Variants in RHCE observed in about 807,000 individuals in gnomAD.
The protein encoded by RHCE is blood group Rh(CE) polypeptide.
RHCE carries 22 observed loss-of-function variants against 43.8 expected under a neutral mutation model. The observed-to-expected ratio is 0.50, with a 90% CI of 0.36 to 0.72. The LOEUF is 0.72. Ranked by LOEUF, RHCE falls within the 30% of genes least tolerant of loss-of-function variation. The pLI, the probability that RHCE is intolerant of heterozygous loss-of-function variation, is 0.00. For synonymous variants in RHCE, 156 were observed against 210.7 expected, an observed-to-expected ratio of 0.74 and a Z score of 2.25; for missense variants, 385 against 525.4, an observed-to-expected ratio of 0.73 and a Z score of 2.61.
At chr1:25,427,029 C>G (rs2042809711) in intron 2 of RHCE, among the ~76,000 whole-genome samples, 1 of 151,672 alleles carries the variant, frequency 6.6e-6, no homozygotes, top group Non-Finnish European at 1.5e-5. Context: ...TGCACTCCAG[C>G]CTGGGTGACA....
At chr1:25,411,360 T>A (rs1647071230) in intron 1 of RHCE, 2 of 1,550,498 alleles carry the variant, frequency 1.3e-6, no homozygotes. Flanking sequence ...TCTCCAGCCC[T>A]GGCTTTGATA....
At chr1:25,371,477 C>G (rs1031743595) in intron 8 of RHCE, among the ~76,000 whole-genome samples, 2 of 151,316 alleles carry the variant, frequency 1.3e-5, no homozygotes, top group East Asian at 1.9e-4. Context: ...CACAAGCAAC[C>G]CCCCCACCTC....
intron 5 of RHCE, 65 bp from the exon 6 acceptor site, chr1:25,389,178 T>C: frequency 6.6e-7 from 1 of 1,513,640 alleles, no homozygotes; most frequent in South Asian, 1.1e-5. Context: ...TTGCTGCAAG[T>C]GACCAGCACG....
At chr1:25,384,123 A>T (rs1018177166) in intron 7 of RHCE, among the ~76,000 whole-genome samples, 1 of 150,964 alleles carries the variant, frequency 6.6e-6, no homozygotes, top group African/African-American at 2.4e-5. Context: ...TTGCATTTCT[A>T]ACAAGTTTCC....
At chr1:25,394,511 G>C (rs1049026462) in intron 3 of RHCE, among the ~76,000 whole-genome samples, 4 of 151,998 alleles carry the variant, frequency 2.6e-5, no homozygotes, top group African/African-American at 7.2e-5. Flanking sequence ...AACTTTTCGT[G>C]TTTCTTTTCT....
At chr1:25,375,554 TC>T in intron 7 of RHCE, 126 bp from the exon 8 acceptor site, 1 of 1,310,926 alleles carries the variant, frequency 7.6e-7, no homozygotes, top group Non-Finnish European at 1.1e-6. Context: ...AAGGGTCCTC[TC>T]CCTGGCTGGT....
At position 25,379,488 on chromosome 1, in the gene RHCE, TA is replaced by T. The variant is rs1557605568; in HGVS notation, c.1074-4061del. ...ATATATATATATATATATATATATA[TA>T]TATATATTTTTTTTTTTTTTTTTTT... On this transcript the variant is annotated intron_variant, in intron 7 of 9. Coordinates refer to ENST00000294413, the MANE Select transcript of RHCE (RefSeq NM_020485.8). 1.2e-3 allele frequency among the ~76,000 whole-genome samples: 21 copies of T among 17,868 alleles called. 1 individual carries two copies. Among genetic ancestry groups the T allele is most frequent in the African/African-American group, 8.2e-3 (17 of 2,064 alleles). 11.7% of individuals were successfully genotyped at this position (17,868 alleles called of 152,430 possible). A position where few individuals can be genotyped will look rare whatever the true frequency, so the allele number is the denominator to read the frequency against.
intron 7 of RHCE, chr1:25,385,361 C>T (rs371027288): frequency 2.1e-4 from 80 of 389,246 alleles, no homozygotes; most frequent in African/African-American, 1.6e-3. Context: ...AGCTAGTACG[C>T]AGTGGGAGCA....
chr1:25,420,273 C>T (rs1371148334), intron 1 of RHCE, among the ~76,000 whole-genome samples: 1 of 152,156 alleles, frequency 6.6e-6, no homozygotes, highest in East Asian at 1.9e-4. Context: ...GCTAGCTGCA[C>T]TTGTATCCCC....
chr1:25,384,223 A>C (rs1489484664), intron 7 of RHCE, among the ~76,000 whole-genome samples: 2 of 151,314 alleles, frequency 1.3e-5, no homozygotes, highest in African/African-American at 4.9e-5. Context: ...AGCAGAATTT[A>C]GCCACACAGT....
At chr1:25,400,919 T>C (rs1044550791) in intron 3 of RHCE, among the ~76,000 whole-genome samples, 1 of 152,170 alleles carries the variant, frequency 6.6e-6, no homozygotes, top group African/African-American at 2.4e-5. Context: ...TATTAAAATA[T>C]AGTCAGGATC....
chr1:25,426,970 T>C (rs2042809198), intron 2 of RHCE, among the ~76,000 whole-genome samples: 2 of 151,482 alleles, frequency 1.3e-5, no homozygotes, highest in South Asian at 4.2e-4. Flanking sequence ...GGCAGGAGAA[T>C]CACTTGAACC....
rs35366666 is a variant in RHCE at position 25,406,250 on chromosome 1, C to CGTGTGT, written c.335+2427_335+2432dup. 9.4e-5 allele frequency among the ~76,000 whole-genome samples: 11 copies of CGTGTGT among 117,126 alleles called. 1 individual carries two copies. The highest frequency in any genetic ancestry group is 2.7e-4 in the African/African-American group (10 of 37,288). 76.8% of individuals were successfully genotyped at this position (117,126 alleles called of 152,430 possible). ...GTATGCGGGCGTGCGTGCGTGCGTG[C>CGTGTGT]GTGTGTGTGTGTGTGTGTGTGTGTG... On this transcript the variant is annotated intron_variant, in intron 2 of 9. Transcript: ENST00000294413.
At chr1:25,400,483 T>C (rs1646705105) in intron 3 of RHCE, among the ~76,000 whole-genome samples, 1 of 150,580 alleles carries the variant, frequency 6.6e-6, no homozygotes, top group African/African-American at 2.5e-5. Context: ...CTTACACATG[T>C]CCCCCCTCTA....
upstream of RHCE, among the ~76,000 whole-genome samples, chr1:25,425,356 T>C (rs2042797692): frequency 6.6e-6 from 1 of 152,196 alleles, no homozygotes; most frequent in Non-Finnish European, 1.5e-5. Flanking sequence ...GTAGGCATCA[T>C]TACGCTTACA....
chr1:25,429,477 A>C (rs1235636190), intron 1 of RHCE, among the ~76,000 whole-genome samples: 3 of 152,180 alleles, frequency 2.0e-5, no homozygotes, highest in African/African-American at 7.2e-5. Flanking sequence ...TTAAAAATGC[A>C]CTGGAAGACT....
At chr1:25,384,297 G>T (rs1031091628) in intron 7 of RHCE, among the ~76,000 whole-genome samples, 3 of 151,808 alleles carry the variant, frequency 2.0e-5, no homozygotes, top group African/African-American at 7.3e-5. Flanking sequence ...TCTAGATTTT[G>T]AGCTCTTGAG....
chr1:25,403,812 A>T (rs1646829515), intron 2 of RHCE, among the ~76,000 whole-genome samples: 1 of 151,708 alleles, frequency 6.6e-6, no homozygotes, highest in Admixed American at 6.6e-5. Context: ...CAGTGATGAT[A>T]ATGATTTATT....
At chr1:25,402,830 A>C in intron 2 of RHCE, 84 bp from the exon 3 acceptor site, 2 of 1,567,696 alleles carry the variant, frequency 1.3e-6, no homozygotes, top group Non-Finnish European at 1.8e-6. Flanking sequence ...CATTCAACAA[A>C]CACTGTTGGG....
Sources: allele counts gnomAD v4.1 joint callset (sites outside exome capture counted in the v4.1 genomes callset), GRCh38; gene constraint gnomAD v4.1.1; transcripts MANE v1.5; gene names NCBI Gene and HGNC (gene_info 2026-07-23, HGNC 2026-07-21).